The following ADD1 variants were observed in gnomAD, a reference collection of about 807,000 sequenced individuals.
The protein encoded by ADD1 is adducin 1, also known as alpha-adducin.
A neutral mutation model predicts 80.5 loss-of-function variants in ADD1; 24 were observed. The ratio of observed to expected loss-of-function variants is 0.30; its 90% CI spans 0.22 to 0.42. The LOEUF is 0.42. ADD1 is among the 10% of genes least tolerant of loss of function. ADD1 has a pLI of 1.00. For missense variants in ADD1, 948 were observed against 1,019.0 expected, an observed-to-expected ratio of 0.93 and a Z score of 0.95; for synonymous variants, 373 against 393.8, an observed-to-expected ratio of 0.95 and a Z score of 0.63.
chr4:2,847,915 G>C (rs1225989263), intron 1 of ADD1, among the ~76,000 whole-genome samples: 3 of 152,108 alleles, frequency 2.0e-5, no homozygotes, highest in Non-Finnish European at 2.9e-5. Flanking sequence ...GGATGACTTT[G>C]AATAGAGTGG....
At chr4:2,914,629 C>G (rs1738664994) in intron 13 of ADD1, 2 of 383,132 alleles carry the variant, frequency 5.2e-6, no homozygotes, top group Non-Finnish European at 4.6e-6. Flanking sequence ...TGGGCTTTTG[C>G]TTCTGAAACC....
Position 2,904,792 on chromosome 4 carries a change from A to T in ADD1, c.1190A>T (p.Tyr397Phe), listed in dbSNP as rs768650483. 9.3e-6 allele frequency: 15 copies of T among 1,614,022 alleles called. No homozygotes were observed. In the South Asian group the frequency reaches 1.5e-4, roughly 17 times the overall value. Residue 397 changes from tyrosine to phenylalanine, a missense_variant, in exon 10 of 16, where the codon TAC becomes TTC. Coordinates refer to ENST00000683351, the MANE Select transcript of ADD1 (RefSeq NM_001354761.2). ...TACAGAACTGGCTACCCTTATCGAT[A>T]CCCTGCTCTGAGAGAGAAGTCTAAA... is the stretch of plus-strand genomic sequence containing the variant. ...LGYRTGYPYR[Y>F]PALREKSKKY...
intron 14 of ADD1, among the ~76,000 whole-genome samples, chr4:2,915,967 C>T (rs1738958452): frequency 6.6e-6 from 1 of 152,048 alleles, no homozygotes; most frequent in African/African-American, 2.4e-5. Context: ...ACGAGGCTGA[C>T]CCCGAAGATG....
chr4:2,924,823 A>G (rs867412999), intron 14 of ADD1, among the ~76,000 whole-genome samples: 1 of 152,216 alleles, frequency 6.6e-6, no homozygotes, highest in African/African-American at 2.4e-5. Flanking sequence ...AACTGGAGGT[A>G]GTCAGCTTGA....
At chr4:2,893,935 C>T (rs1278813679) in intron 4 of ADD1, 78 bp from the exon 5 acceptor site, 4 of 1,350,846 alleles carry the variant, frequency 3.0e-6, no homozygotes, top group Non-Finnish European at 1.1e-6. Context: ...TCTGAACAAA[C>T]CCGTGAATTT....
At position 2,928,407 on chromosome 4, in the gene ADD1, G is replaced by T; in HGVS notation, c.2284G>T (p.Gly762Trp). 1.9e-6 allele frequency: 3 copies of T among 1,613,218 alleles called. No homozygotes were observed. Among genetic ancestry groups the T allele is most frequent in the Non-Finnish European group, 2.5e-6 (3 of 1,179,910 alleles). ...EEAAPSAVEE[G>W]AAADPGSDGS... is the part of the protein sequence containing the mutation. ...GGCTGCCCCCTCAGCTGTCGAGGAGGGGGCCGCCGCGGACCCTGGCAGCGA... is the reference window on the plus strand; with the variant it reads ...GGCTGCCCCCTCAGCTGTCGAGGAGTGGGCCGCCGCGGACCCTGGCAGCGA... Residue 762 changes from glycine to tryptophan, a missense_variant, in exon 16 of 16, where the codon GGG becomes TGG. Transcript: ENST00000683351.
chr4:2,865,686 C>G (rs1729444998), intron 1 of ADD1, among the ~76,000 whole-genome samples: 2 of 152,152 alleles, frequency 1.3e-5, no homozygotes, highest in Admixed American at 1.3e-4. Flanking sequence ...CTACCTTCCC[C>G]CTGCTCCAGA....
At position 2,881,962 on chromosome 4, in the gene ADD1, G is replaced by A. The variant is rs1429127041; in HGVS notation, c.260G>A (p.Gly87Asp). The change falls in exon 3 of 16, where the codon GGC (glycine) becomes GAC (aspartate). Residue 87 changes from glycine to aspartate, a missense_variant. Physicochemically the swap from Gly to Asp is moderately conservative, Grantham distance 94. Transcript: ENST00000683351. ...TTTAAGAAGGGGAAGAACCCCACAG[G>A]CCTATTGGCATTACAGCAGATTGCA... ...EQFKKGKNPTGLLALQQIADF... is the reference protein window; with the variant it reads ...EQFKKGKNPTDLLALQQIADF... 6.2e-7 allele frequency: 1 copy of A among 1,613,276 alleles called. No individual in the cohort carries two copies. Among genetic ancestry groups the A allele is most frequent in the African/African-American group, 1.3e-5 (1 of 74,902 alleles).
At chr4:2,898,793 A>T in intron 8 of ADD1, 1 of 476,402 alleles carries the variant, frequency 2.1e-6, no homozygotes, top group Non-Finnish European at 3.8e-6. Context: ...ACTGGTGTGT[A>T]TAGGCCTGGC....
intron 4 of ADD1, among the ~76,000 whole-genome samples, chr4:2,886,895 G>C (rs3775067): frequency 6.6e-6 from 1 of 151,898 alleles, no homozygotes. Context: ...AGATCAGTGC[G>C]GTGAAAATGT....
chr4:2,863,775 C>T (rs1729146925), intron 1 of ADD1, among the ~76,000 whole-genome samples: 1 of 151,928 alleles, frequency 6.6e-6, no homozygotes, highest in Non-Finnish European at 1.5e-5. Flanking sequence ...CACTGTGTTG[C>T]CCAGGCTGGT....
At chr4:2,868,752 A>G (rs1729950592) in intron 1 of ADD1, among the ~76,000 whole-genome samples, 1 of 152,108 alleles carries the variant, frequency 6.6e-6, no homozygotes, top group South Asian at 2.1e-4. Context: ...TTATCCGCAT[A>G]TGATTTGGTC....
chr4:2,881,477 C>T (rs548194254), intron 2 of ADD1: 1 of 154,492 alleles, frequency 6.5e-6, no homozygotes, highest in Non-Finnish European at 1.4e-5. Context: ...AAACATATAT[C>T]AAGAGCAATT....
At position 2,905,161 on chromosome 4, in the gene ADD1, G is replaced by A. The variant is rs757111308; in HGVS notation, c.1506+53G>A. ...TAGATGACGTAGAGCAAGTTGGGTA[G>A]CTGGGGCTTCGGAGGCTTTGGGAAT... is the stretch of plus-strand genomic sequence containing the variant. On this transcript the variant is annotated intron_variant, in intron 10 of 15. Coordinates refer to ENST00000683351, the MANE Select transcript of ADD1 (RefSeq NM_001354761.2). The A allele has an allele frequency of 3.2e-6, 5 of 1,574,480 alleles. No individual in the cohort carries two copies. In the African/African-American group the frequency reaches 6.7e-5, roughly 21 times the overall value.
At chr4:2,905,982 A>G (rs1367909602) in intron 10 of ADD1, among the ~76,000 whole-genome samples, 1 of 152,110 alleles carries the variant, frequency 6.6e-6, no homozygotes, top group Non-Finnish European at 1.5e-5. Flanking sequence ...TGGAGGAGAC[A>G]GGGGCTGAAG....
chr4:2,926,894 G>A lies in ADD1; in HGVS notation c.2047+782G>A, dbSNP rs562183527. 6.6e-6 allele frequency among the ~76,000 whole-genome samples: 1 copy of A among 152,322 alleles called. No individual in the cohort carries two copies. Among genetic ancestry groups the A allele is most frequent in the East Asian group, 1.9e-4 (1 of 5,174 alleles). Reference sequence around the variant, plus strand: ...GCAGCGGGTACCTCCACGCACCTAGGTGCCATGGAGCACTCTGGGCCTCAG... The same window carrying A: ...GCAGCGGGTACCTCCACGCACCTAGATGCCATGGAGCACTCTGGGCCTCAG... On this transcript the variant is annotated intron_variant, in intron 15 of 15. Transcript: ENST00000683351. The surrounding 1 kb of genome is among the most constrained non-coding windows in gnomAD (Gnocchi z 5.0).
At chr4:2,906,031 G>A (rs2109068650) in intron 10 of ADD1, among the ~76,000 whole-genome samples, 1 of 152,354 alleles carries the variant, frequency 6.6e-6, no homozygotes, top group Non-Finnish European at 1.5e-5. Flanking sequence ...TAGGAGTTCA[G>A]TTGAAATTAG....
chr4:2,852,141 T>C (rs1261671518), intron 1 of ADD1, among the ~76,000 whole-genome samples: 1 of 71,710 alleles, frequency 1.4e-5, no homozygotes, highest in African/African-American at 6.5e-5. Flanking sequence ...CGGCCTCTTT[T>C]CTTTCTTTCT....
At chr4:2,852,198 C>CTTTCTTTTT (rs1491325452) in intron 1 of ADD1, among the ~76,000 whole-genome samples, 3 of 76,588 alleles carry the variant, frequency 3.9e-5, no homozygotes, top group African/African-American at 1.6e-4. Context: ...TTCTTTCTTT[C>CTTTCTTTTT]CTTTCTTTCC....
Sources: allele counts gnomAD v4.1 joint callset (sites outside exome capture counted in the v4.1 genomes callset), GRCh38; gene constraint gnomAD v4.1.1; non-coding constraint Gnocchi (gnomAD v3.1); transcripts MANE v1.5; gene names NCBI Gene and HGNC (gene_info 2026-07-23, HGNC 2026-07-21).